The following OR2V1 variants were observed in gnomAD, a reference collection of about 807,000 sequenced individuals.
OR2V1 encodes the protein olfactory receptor family 2 subfamily V member 1, also known as olfactory receptor 2V1.
In OR2V1, 18 loss-of-function variants were observed where a neutral mutation model predicts 15.0. The ratio of observed to expected loss-of-function variants is 1.20; its 90% CI spans 0.83 to 1.78. OR2V1 has a LOEUF of 1.78. Ranked by LOEUF, OR2V1 falls within the 40% of genes most tolerant of loss-of-function variation. The pLI is 0.00. For synonymous variants in OR2V1, 144 were observed against 146.1 expected (o/e 0.99, Z 0.10); for missense variants, 359 against 392.9 (o/e 0.91, Z 0.73).
rs778289396 is a variant in OR2V1, at chr5:181,125,220, AG to A, written c.84del (p.Phe29SerfsTer109). On this transcript the variant is annotated frameshift_variant, in exon 4 of 4. Transcript: ENST00000641551. LOFTEE classifies it high-confidence loss of function. ...IFSHSQTDLV[L>X]FSAVMVVFTV... ...GTGAAGACCACCATAACTGCAGAGAAGAGGACAAGGTCAGTCTGGCTGTGGG... is the reference window on the plus strand; with the variant it reads ...GTGAAGACCACCATAACTGCAGAGAAAGGACAAGGTCAGTCTGGCTGTGGG... 5.6e-6 allele frequency: 9 copies of A among 1,614,148 alleles called. No individual in the cohort carries two copies. In the South Asian group the frequency reaches 9.9e-5, roughly 18 times the overall value.
intron 2 of OR2V1, among the ~76,000 whole-genome samples, chr5:181,129,813 G>T (rs1286036517): frequency 6.6e-6 from 1 of 152,046 alleles, no homozygotes; most frequent in Non-Finnish European, 1.5e-5. Context: ...CTTCACCTTC[G>T]CACTCCCCAC....
At position 181,123,427 on chromosome 5, in the gene OR2V1, T is replaced by C. The variant is rs531138464; in HGVS notation, c.*930A>G. The stretch of plus-strand genomic sequence containing the variant: ...CAATCAATGTATGTAAGAAATACAC[T>C]GGTTCCATCCAGAAAGGCGGGGACA... On this transcript the variant is annotated 3_prime_UTR_variant, in exon 4 of 4. Transcript: ENST00000641551. 15 of 158,676 alleles carry C rather than the reference T, an allele frequency of 9.5e-5. No individual in the cohort carries two copies. Among genetic ancestry groups the C allele is most frequent in the Admixed American group, 6.4e-4 (10 of 15,538 alleles). The allele number at this position is 158,676 out of a possible 1,614,324, so 9.8% of individuals were successfully genotyped here. A position where few individuals can be genotyped will look rare whatever the true frequency, so the allele number is the denominator to read the frequency against.
In OR2V1 at chr5:181,128,361, C is replaced by T. The variant is rs1762912968; in HGVS notation, c.-22+1159G>A. Among the ~76,000 whole-genome samples, 4 of 152,310 alleles carry T rather than the reference C, an allele frequency of 2.6e-5. No individual in the cohort carries two copies. The South Asian group carries it at 8.3e-4, about 32-fold the overall frequency. Reference sequence around the variant, plus strand: ...TGGCAACGGCCCCAACTGCATTTGCCTCCCAGTCTACGCTGGCACACCCCA... The same window carrying T: ...TGGCAACGGCCCCAACTGCATTTGCTTCCCAGTCTACGCTGGCACACCCCA... On this transcript the variant is annotated intron_variant, in intron 3 of 3. Transcript: ENST00000641551.
intron 1 of OR2V1, 69 bp from the exon 2 acceptor site, chr5:181,130,284 G>A (rs1241698262): frequency 1.5e-5 from 6 of 398,862 alleles, no homozygotes; most frequent in Non-Finnish European, 2.7e-5. Context: ...TGGGTCGGGG[G>A]ACAGGAGGAG....
At position 181,128,605 on chromosome 5, in the gene OR2V1, C is replaced by T. The variant is rs1430235926; in HGVS notation, c.-22+915G>A. ...CAAGGCCAGCTCCAGGGGGCCTGGACACTTTCTCTCACCTCCGTGCAGAAG... is the reference window on the plus strand; with the variant it reads ...CAAGGCCAGCTCCAGGGGGCCTGGATACTTTCTCTCACCTCCGTGCAGAAG... On this transcript the variant is annotated intron_variant, in intron 3 of 3. Transcript: ENST00000641551. Among the ~76,000 whole-genome samples the T allele has an allele frequency of 6.6e-5, 10 of 152,302 alleles. No homozygotes were observed. In the East Asian group the frequency reaches 9.7e-4, roughly 15 times the overall value.
chr5:181,125,190 C>T lies in OR2V1; in HGVS notation c.115G>A (p.Ala39Thr). 6.2e-7 allele frequency: 1 copy of T among 1,614,152 alleles called. No homozygotes were observed. The highest frequency in any genetic ancestry group is 8.5e-7 in the Non-Finnish European group (1 of 1,180,032). Residue 39 changes from alanine to threonine, a missense_variant, in exon 4 of 4, where the codon GCC becomes ACC. Physicochemically the swap from Ala to Thr is moderately conservative, Grantham distance 58. Coordinates refer to ENST00000641551, the MANE Select transcript of OR2V1 (RefSeq NM_001258283.2). ...ATGAGGAGGACATTCCCACAGAGGG[C>T]CACTGTGAAGACCACCATAACTGCA... Reference protein sequence around the residue: ...FSAVMVVFTVALCGNVLLIFL... With the variant: ...FSAVMVVFTVTLCGNVLLIFL...
At position 181,124,699 on chromosome 5, in the gene OR2V1, A is replaced by G. The variant is rs758670498; in HGVS notation, c.606T>C (p.Ala202=). 2.5e-6 allele frequency: 4 copies of G among 1,612,586 alleles called. No homozygotes were observed. Among genetic ancestry groups the G allele is most frequent in the Non-Finnish European group, 3.4e-6 (4 of 1,179,978 alleles). Residue 202 remains alanine, a synonymous_variant, in exon 4 of 4, where the codon GCT becomes GCC. Transcript: ENST00000641551. The part of the protein sequence containing the change: ...DTSLFDTLLF[A]CCVFMLLLPF... ...GAAGGAGAAGCATGAAGACACAGCAAGCAAAGAGGAGGGTGTCAAAAAGGG... is the reference window on the plus strand; with the variant it reads ...GAAGGAGAAGCATGAAGACACAGCAGGCAAAGAGGAGGGTGTCAAAAAGGG...
In OR2V1 at chr5:181,123,579, G is replaced by A. The variant is rs1454574877; in HGVS notation, c.*778C>T. The A allele has an allele frequency of 6.6e-6, 1 of 152,262 alleles. No homozygotes were observed. The highest frequency in any genetic ancestry group is 1.5e-5 in the Non-Finnish European group (1 of 68,092). 9.4% of individuals were successfully genotyped at this position (152,262 alleles called of 1,614,324 possible). On this transcript the variant is annotated 3_prime_UTR_variant, in exon 4 of 4. Transcript: ENST00000641551. ...AGCTGCATCGATCTCAGTGAGCAGA[G>A]GGCTGACTTTGAAAGAATGGGAGGC...
At position 181,124,947 on chromosome 5, in the gene OR2V1, C is replaced by G. The variant is rs1211409180; in HGVS notation, c.358G>C (p.Ala120Pro). ...CTAACGGCCACGTAGCGGTCATAAG[C>G]CATGAGTCCCAGCAAGAGCCCCTCA... ...GSEGLLLGLM[A>P]YDRYVAVSHP... Residue 120 changes from alanine (A) to proline (P), a missense_variant, in exon 4 of 4, where the codon GCT becomes CCT. By Grantham distance (27) the Ala-to-Pro change is conservative (BLOSUM62 -1). Coordinates refer to ENST00000641551, the MANE Select transcript of OR2V1 (RefSeq NM_001258283.2). 1 of 1,613,966 alleles carries G rather than the reference C, an allele frequency of 6.2e-7. No homozygotes were observed. Among genetic ancestry groups the G allele is most frequent in the Non-Finnish European group, 8.5e-7 (1 of 1,180,032 alleles).
At chr5:181,126,633 C>T (rs1007710121) in intron 3 of OR2V1, among the ~76,000 whole-genome samples, 1 of 152,116 alleles carries the variant, frequency 6.6e-6, no homozygotes, top group African/African-American at 2.4e-5. Flanking sequence ...AAGACACACA[C>T]ACAGATACAC....
chr5:181,126,842 C>T (rs758907281), intron 3 of OR2V1, among the ~76,000 whole-genome samples: 1 of 152,078 alleles, frequency 6.6e-6, no homozygotes, highest in East Asian at 1.9e-4. Flanking sequence ...ACACACACCC[C>T]GCACGTCCCT....
intron 3 of OR2V1, among the ~76,000 whole-genome samples, chr5:181,126,605 C>T (rs1762874957): frequency 6.6e-6 from 1 of 152,026 alleles, no homozygotes; most frequent in Non-Finnish European, 1.5e-5. Flanking sequence ...CGGAGTCACA[C>T]ACACAGCCAT....
chr5:181,126,491 GACAC>G (rs139159457), intron 3 of OR2V1, among the ~76,000 whole-genome samples: 1,714 of 141,740 alleles, frequency 0.012, 20 homozygotes, highest in African/African-American at 0.043. Context: ...TACACACATA[GACAC>G]ACACACAGAC....
At chr5:181,127,263 A>T (rs1762887470) in intron 3 of OR2V1, among the ~76,000 whole-genome samples, 1 of 152,206 alleles carries the variant, frequency 6.6e-6, no homozygotes, top group African/African-American at 2.4e-5. Flanking sequence ...GAACAAAATA[A>T]TATGTGATGG....
At chr5:181,126,420 CCACA>C (rs10532191) in intron 3 of OR2V1, among the ~76,000 whole-genome samples, 4,646 of 139,852 alleles carry the variant, frequency 0.033, 147 homozygotes, top group African/African-American at 0.078. Context: ...ACATCACACA[CCACA>C]CACACACACA....
Position 181,124,348 on chromosome 5 carries a change from C to T in OR2V1, c.*9G>A. The T allele has an allele frequency of 6.5e-7, 1 of 1,548,500 alleles. No homozygotes were observed. On this transcript the variant is annotated 3_prime_UTR_variant, in exon 4 of 4. Coordinates refer to ENST00000641551, the MANE Select transcript of OR2V1 (RefSeq NM_001258283.2). Reference sequence around the variant, plus strand: ...AAGAAGGGGCACAGCAGGCACCAGACTCTGGGGTTCAGTGCTGGCTGCCAA... The same window carrying T: ...AAGAAGGGGCACAGCAGGCACCAGATTCTGGGGTTCAGTGCTGGCTGCCAA...
chr5:181,125,316 T>C lies in OR2V1; in HGVS notation c.-12A>G. On this transcript the variant is annotated 5_prime_UTR_variant, in exon 4 of 4. Coordinates refer to ENST00000641551, the MANE Select transcript of OR2V1 (RefSeq NM_001258283.2). Reference sequence around the variant, plus strand: ...ACCCATCTTCCCATGGCTTAGTTGTTCACTGTCACCTGAGAACATAAGAGA... The same window carrying C: ...ACCCATCTTCCCATGGCTTAGTTGTCCACTGTCACCTGAGAACATAAGAGA... 6.2e-7 allele frequency: 1 copy of C among 1,606,092 alleles called. No homozygotes were observed. Among genetic ancestry groups the C allele is most frequent in the Non-Finnish European group, 8.5e-7 (1 of 1,175,372 alleles).
Position 181,124,283 on chromosome 5 carries a change from C to T in OR2V1, c.*74G>A. On this transcript the variant is annotated 3_prime_UTR_variant, in exon 4 of 4. Transcript: ENST00000641551. ...CCATCAACAGGTGAATGGAAACAGA[C>T]ACTCACAAAGGTTGAGTGACTTCCC... The T allele has an allele frequency of 9.0e-6, 12 of 1,338,362 alleles. No individual in the cohort carries two copies. The highest frequency in any genetic ancestry group is 1.2e-5 in the Non-Finnish European group (12 of 1,008,110). The allele number at this position is 1,338,362 out of a possible 1,614,324, so 82.9% of individuals were successfully genotyped here.
intron 1 of OR2V1, chr5:181,130,473 G>A (rs1184655549): frequency 1.1e-5 from 4 of 377,478 alleles, no homozygotes; most frequent in East Asian, 7.7e-5. Context: ...AGGAGAGGTG[G>A]AGCCAGGAGC....
Sources: gnomAD v4.1 joint callset for allele counts (sites outside exome capture counted in the v4.1 genomes callset) on GRCh38, gnomAD v4.1.1 for gene constraint, MANE v1.5 for transcripts, NCBI Gene and HGNC (gene_info 2026-07-23, HGNC 2026-07-21) for gene names.